PARD3B: variants seen among roughly 807,000 people sequenced by gnomAD.
The protein encoded by PARD3B is partitioning defective 3 homolog B.
Under a neutral mutation model 130.2 loss-of-function variants are expected in PARD3B, and 103 were observed. The ratio of observed to expected loss-of-function variants is 0.79; its 90% CI spans 0.67 to 0.93. The LOEUF (loss-of-function observed/expected upper bound fraction) is 0.93. Among genes scored for constraint, PARD3B ranks in the 40% least tolerant of loss-of-function variants. PARD3B has a pLI of 0.00. For synonymous variants in PARD3B, 583 were observed against 553.2 expected (o/e 1.05, Z -0.76); for missense variants, 1,609 against 1,499.2 (o/e 1.07, Z -1.21).
intron 2 of PARD3B, among the ~76,000 whole-genome samples, chr2:204,736,110 T>G (rs1306718395): frequency 6.6e-6 from 1 of 151,990 alleles, no homozygotes; most frequent in African/African-American, 2.4e-5. Context: ...TATCAAGTCC[T>G]CAGTTCTACT....
chr2:204,841,401 C>A (rs750433960), intron 2 of PARD3B, among the ~76,000 whole-genome samples: 3 of 151,598 alleles, frequency 2.0e-5, no homozygotes, highest in Non-Finnish European at 4.4e-5. Flanking sequence ...GCAAAAAATT[C>A]CTGTTACTCT....
At chr2:205,439,690 A>T (rs1480468583) in intron 19 of PARD3B, among the ~76,000 whole-genome samples, 1 of 152,134 alleles carries the variant, frequency 6.6e-6, no homozygotes, top group Non-Finnish European at 1.5e-5. Flanking sequence ...ATGGTGTTTA[A>T]TTCACTTATA....
intron 3 of PARD3B, among the ~76,000 whole-genome samples, chr2:204,983,419 AG>A (rs1447275455): frequency 7.1e-6 from 1 of 140,832 alleles, no homozygotes; most frequent in Non-Finnish European, 1.5e-5. Flanking sequence ...CGGGAGAGGA[AG>A]GGGGGAGGAG....
At chr2:205,557,855 C>A (rs909905889) in intron 22 of PARD3B, among the ~76,000 whole-genome samples, 1 of 152,106 alleles carries the variant, frequency 6.6e-6, no homozygotes, top group Admixed American at 6.5e-5. Flanking sequence ...CACCAACTAC[C>A]CTCTCTCGGC....
intron 22 of PARD3B, among the ~76,000 whole-genome samples, chr2:205,611,667 T>C (rs1400317928): frequency 6.6e-6 from 1 of 152,122 alleles, no homozygotes; most frequent in Non-Finnish European, 1.5e-5. Context: ...TAATCCGAAA[T>C]AAAATAAGCA....
chr2:204,553,891 A>C (rs1282006817), intron 1 of PARD3B, among the ~76,000 whole-genome samples: 1 of 150,896 alleles, frequency 6.6e-6, no homozygotes, highest in African/African-American at 2.5e-5. Flanking sequence ...ACTCAGGGAG[A>C]AAGGGTGGGA....
chr2:204,643,790 A>G (rs1190626293), intron 1 of PARD3B, among the ~76,000 whole-genome samples: 1 of 152,190 alleles, frequency 6.6e-6, no homozygotes, highest in Non-Finnish European at 1.5e-5. Context: ...TAAGAACTGC[A>G]AATTCTTCTG....
intron 2 of PARD3B, among the ~76,000 whole-genome samples, chr2:204,757,268 G>A (rs1444420033): frequency 6.6e-6 from 1 of 152,112 alleles, no homozygotes; most frequent in East Asian, 1.9e-4. Flanking sequence ...TTTCCTTTGG[G>A]TATATACCCA....
At chr2:205,157,330 T>C (rs1416509293) in intron 10 of PARD3B, among the ~76,000 whole-genome samples, 1 of 152,216 alleles carries the variant, frequency 6.6e-6, no homozygotes, top group Non-Finnish European at 1.5e-5. Flanking sequence ...TAGGTAATAA[T>C]ATAATGAGTT....
intron 3 of PARD3B, among the ~76,000 whole-genome samples, chr2:205,007,884 T>C (rs2125300188): frequency 6.6e-6 from 1 of 152,292 alleles, no homozygotes; most frequent in East Asian, 1.9e-4. Context: ...TGTTTAATTG[T>C]TTTCCTTGTA....
At chr2:204,603,182 C>G (rs539468912) in intron 1 of PARD3B, among the ~76,000 whole-genome samples, 1 of 152,210 alleles carries the variant, frequency 6.6e-6, no homozygotes, top group African/African-American at 2.4e-5. Flanking sequence ...ATCACATAAC[C>G]TGAGGCATCT....
chr2:204,712,711 T>C (rs114205404), intron 2 of PARD3B, among the ~76,000 whole-genome samples: 3,031 of 151,846 alleles, frequency 0.02, 89 homozygotes, highest in African/African-American at 0.067. Context: ...ATATGATTGA[T>C]AGATAAAGCA....
At chr2:204,904,912 A>G (rs1189673946) in intron 2 of PARD3B, among the ~76,000 whole-genome samples, 1 of 152,224 alleles carries the variant, frequency 6.6e-6, no homozygotes. Context: ...TACAATATGT[A>G]GAATGTAGGT....
chr2:205,124,447 CAG>C lies in PARD3B; in HGVS notation c.1287_1288del (p.Asp431GlnfsTer52), dbSNP rs777253748. 3.8e-6 allele frequency: 6 copies of C among 1,596,722 alleles called. No individual in the cohort carries two copies. Among genetic ancestry groups the C allele is most frequent in the Non-Finnish European group, 5.1e-6 (6 of 1,171,418 alleles). On this transcript the variant is annotated frameshift_variant, in exon 9 of 23. Transcript: ENST00000406610. LOFTEE classifies it high-confidence loss of function. ...GCAATAAAAGATGGCCGCCTACAAT[CAG>C]GGGACAGAATTTTGGAGGTAAGAAT... is the stretch of plus-strand genomic sequence containing the variant.
chr2:205,496,943 A>G (rs2049948831), intron 20 of PARD3B, among the ~76,000 whole-genome samples: 1 of 151,938 alleles, frequency 6.6e-6, no homozygotes, highest in Non-Finnish European at 1.5e-5. Flanking sequence ...GGTGAGTTTG[A>G]ACGCAGCTCA....
At chr2:204,694,414 T>C (rs1236522913) in intron 2 of PARD3B, among the ~76,000 whole-genome samples, 1 of 152,078 alleles carries the variant, frequency 6.6e-6, no homozygotes, top group Non-Finnish European at 1.5e-5. Context: ...TCCAGGTGTC[T>C]TGTGTGCTGT....
At chr2:205,096,312 G>A (rs768833573) in intron 4 of PARD3B, among the ~76,000 whole-genome samples, 6 of 152,138 alleles carry the variant, frequency 3.9e-5, no homozygotes, top group Non-Finnish European at 5.9e-5. Flanking sequence ...ACCAGACAAA[G>A]CAATGATGAA....
chr2:204,858,686 A>G (rs1241736101), intron 2 of PARD3B, among the ~76,000 whole-genome samples: 1 of 150,110 alleles, frequency 6.7e-6, no homozygotes, highest in Non-Finnish European at 1.5e-5. Flanking sequence ...GGGAGGGGAA[A>G]TGGTTAACTA....
intron 2 of PARD3B, among the ~76,000 whole-genome samples, chr2:204,935,146 CTTT>C (rs71032422): frequency 0.27 from 36,983 of 138,564 alleles, 5,005 homozygotes; most frequent in Middle Eastern, 0.37. Context: ...GTTTTCCCTA[CTTT>C]TTTTTTTTTT....
Sources: allele counts gnomAD v4.1 joint callset (sites outside exome capture counted in the v4.1 genomes callset), GRCh38; gene constraint gnomAD v4.1.1; transcripts MANE v1.5; gene names NCBI Gene and HGNC (gene_info 2026-07-23, HGNC 2026-07-21).